SLC28A3: variants seen among roughly 807,000 people sequenced by gnomAD.
The protein encoded by SLC28A3 is concentrative Na(+)-nucleoside cotransporter 3.
In SLC28A3, 68 loss-of-function variants were observed where a neutral mutation model predicts 84.2. The ratio of observed to expected loss-of-function variants is 0.81; its 90% confidence interval spans 0.66 to 0.99. The LOEUF (loss-of-function observed/expected upper bound fraction) is 0.99. Among genes scored for constraint, SLC28A3 ranks in the 50% least tolerant of loss-of-function variants. The pLI is 0.00. For synonymous variants in SLC28A3, 267 were observed against 303.6 expected (o/e 0.88, Z 1.25); for missense variants, 712 against 841.5 (o/e 0.85, Z 1.90).
At chr9:84,315,950 A>T (rs1177620499) in intron 1 of SLC28A3, among the ~76,000 whole-genome samples, 2 of 152,240 alleles carry the variant, frequency 1.3e-5, no homozygotes, top group East Asian at 3.8e-4. Context: ...TGTGTAAGAA[A>T]GGTGAGGGAA....
intron 1 of SLC28A3, among the ~76,000 whole-genome samples, chr9:84,335,470 C>A (rs954142251): frequency 2.6e-5 from 4 of 152,198 alleles, no homozygotes; most frequent in Non-Finnish European, 5.9e-5. Flanking sequence ...ATTGCCTGGG[C>A]TCAGGAGTTT....
At chr9:84,309,451 A>G (rs146287727) in intron 3 of SLC28A3, among the ~76,000 whole-genome samples, 178 bp downstream of exon 3, 5,054 of 132,398 alleles carry the variant, frequency 0.038, 120 homozygotes, top group South Asian at 0.072. Flanking sequence ...TGAACTTGGG[A>G]GGCGGAGGTT....
At chr9:84,353,049 TG>T in the SLC28A3 span, among the ~76,000 whole-genome samples, 1 of 152,116 alleles carries the variant, frequency 6.6e-6, no homozygotes, top group African/African-American at 2.4e-5. Flanking sequence ...CAATGAGATT[TG>T]TCATTATCAG....
intron 2 of SLC28A3, among the ~76,000 whole-genome samples, chr9:84,310,134 G>T (rs1163602223): frequency 6.6e-6 from 1 of 152,174 alleles, no homozygotes; most frequent in Non-Finnish European, 1.5e-5. Flanking sequence ...ACCAAAGCTG[G>T]ATTTATTTCC....
In SLC28A3 at chr9:84,277,937, A is replaced by G. The variant is rs1824581975; in HGVS notation, c.*281T>C. On this transcript the variant is annotated 3_prime_UTR_variant, in exon 18 of 18. Transcript: ENST00000376238. ...GCTGTATTCTGGTGAAATGCCTTGC[A>G]AACATTAAAGTCAGAAAATCCCATT... 2.6e-6 allele frequency: 1 copy of G among 388,200 alleles called. No homozygotes were observed. The highest frequency in any genetic ancestry group is 4.7e-6 in the Non-Finnish European group (1 of 213,578). The allele number at this position is 388,200 out of a possible 1,614,324, so 24.0% of individuals were successfully genotyped here. A position where few individuals can be genotyped will look rare whatever the true frequency, so the allele number is the denominator to read the frequency against.
chr9:84,296,644 C>A (rs967437371), intron 8 of SLC28A3, among the ~76,000 whole-genome samples: 2 of 152,206 alleles, frequency 1.3e-5, no homozygotes, highest in African/African-American at 4.8e-5. Flanking sequence ...CTGCCTTTCC[C>A]CTGTAAAATA....
At chr9:84,319,192 G>A (rs1826277567) in intron 1 of SLC28A3, among the ~76,000 whole-genome samples, 1 of 152,178 alleles carries the variant, frequency 6.6e-6, no homozygotes, top group Non-Finnish European at 1.5e-5. Flanking sequence ...TACTGCAATA[G>A]TTTATTACTC....
In SLC28A3 at chr9:84,275,482, CA is replaced by C. The variant is rs1484931914; in HGVS notation, c.*2735del. The stretch of plus-strand genomic sequence containing the variant: ...GTTGGGGAGCACAGACCAACAGCAA[CA>C]ATCTGTCAACAGTGAGCGGGCTCAA... On this transcript the variant is annotated 3_prime_UTR_variant, in exon 18 of 18. Coordinates refer to ENST00000376238, the MANE Select transcript of SLC28A3 (RefSeq NM_001199633.2). 3.3e-5 allele frequency: 5 copies of C among 152,292 alleles called. No homozygotes were observed. Among genetic ancestry groups the C allele is most frequent in the African/African-American group, 2.4e-5 (1 of 41,438 alleles). The allele number at this position is 152,292 out of a possible 1,614,324, so 9.4% of individuals were successfully genotyped here.
chr9:84,319,680 G>A (rs917620729), intron 1 of SLC28A3, among the ~76,000 whole-genome samples: 96 of 152,218 alleles, frequency 6.3e-4, no homozygotes, highest in African/African-American at 2.3e-3. Context: ...ACTGGCTCTA[G>A]TTTCCCGTTA....
chr9:84,364,023 A>G, the SLC28A3 span, among the ~76,000 whole-genome samples: 2 of 151,876 alleles, frequency 1.3e-5, no homozygotes, highest in Non-Finnish European at 2.9e-5. Flanking sequence ...AGATGTTTTG[A>G]TACAGGCATG....
At chr9:84,320,716 G>A (rs1183127046) in intron 1 of SLC28A3, among the ~76,000 whole-genome samples, 4 of 152,112 alleles carry the variant, frequency 2.6e-5, no homozygotes, top group South Asian at 2.1e-4. Flanking sequence ...TCGGCTGGGC[G>A]CAGTGGCTCA....
At chr9:84,324,169 C>T (rs1022351544) in intron 1 of SLC28A3, among the ~76,000 whole-genome samples, 3 of 152,128 alleles carry the variant, frequency 2.0e-5, no homozygotes, top group Admixed American at 6.6e-5. Context: ...GTAAATAGAC[C>T]GGTGCTCCCA....
chr9:84,333,172 A>G (rs1826850744), intron 1 of SLC28A3, among the ~76,000 whole-genome samples: 1 of 152,348 alleles, frequency 6.6e-6, no homozygotes, highest in East Asian at 1.9e-4. Flanking sequence ...TGCATTTTAC[A>G]TAAGATAATA....
rs369651090 is a variant in SLC28A3, at chr9:84,292,638, A to C, written c.1023+30T>G. 2.6e-6 allele frequency: 4 copies of C among 1,533,852 alleles called. No homozygotes were observed. In the African/African-American group the frequency reaches 5.5e-5, roughly 21 times the overall value. On this transcript the variant is annotated intron_variant, in intron 10 of 17. Coordinates refer to ENST00000376238, the MANE Select transcript of SLC28A3 (RefSeq NM_001199633.2). ...GGAAAGAGACGATCCATTTCAACAG[A>C]TGTTTTGTTCTGTTGATATTACAAC...
At chr9:84,300,465 C>T (rs537322079) in intron 5 of SLC28A3, among the ~76,000 whole-genome samples, 7 of 152,282 alleles carry the variant, frequency 4.6e-5, no homozygotes, top group East Asian at 1.9e-4. Flanking sequence ...GGAGATCAGA[C>T]GTTAGGGCAA....
At chr9:84,283,509 G>C (rs541146904) in intron 14 of SLC28A3, among the ~76,000 whole-genome samples, 18 of 152,362 alleles carry the variant, frequency 1.2e-4, no homozygotes, top group African/African-American at 3.8e-4. Context: ...GTTAAAAACA[G>C]TGAGTATACG....
At chr9:84,360,021 A>G in the SLC28A3 span, among the ~76,000 whole-genome samples, 38 of 151,830 alleles carry the variant, frequency 2.5e-4, no homozygotes, top group African/African-American at 8.5e-4. Flanking sequence ...AAAAAAAAAA[A>G]AAGAAGTCTT....
At chr9:84,362,222 G>T in the SLC28A3 span, among the ~76,000 whole-genome samples, 1 of 152,148 alleles carries the variant, frequency 6.6e-6, no homozygotes, top group African/African-American at 2.4e-5. Context: ...CTGGGAAAGG[G>T]GCAAGTCTGG....
intron 2 of SLC28A3, among the ~76,000 whole-genome samples, chr9:84,312,571 C>T (rs1826027763): frequency 6.8e-6 from 1 of 146,706 alleles, no homozygotes; most frequent in African/African-American, 2.6e-5. Context: ...GAGAATCTCG[C>T]TCTGTCGCCC....
Sources: gnomAD v4.1 joint callset for allele counts (sites outside exome capture counted in the v4.1 genomes callset) on GRCh38, gnomAD v4.1.1 for gene constraint, MANE v1.5 for transcripts, NCBI Gene and HGNC (gene_info 2026-07-23, HGNC 2026-07-21) for gene names.